BCO2: variants seen among roughly 807,000 people sequenced by gnomAD.
BCO2 encodes beta-carotene oxygenase 2.
A neutral mutation model predicts 65.8 loss-of-function variants in BCO2; 56 were observed. The ratio of observed to expected loss-of-function variants is 0.85; its 90% CI spans 0.69 to 1.06. BCO2 has a LOEUF of 1.06. BCO2 is among the 50% of genes least tolerant of loss of function. The pLI is 0.00. For synonymous variants in BCO2, 233 were observed against 242.3 expected, an observed-to-expected ratio of 0.96 and a Z score of 0.36; for missense variants, 675 against 698.5, an observed-to-expected ratio of 0.97 and a Z score of 0.38.
In BCO2 at chr11:112,200,626, C is replaced by G. The variant is rs1177235843; in HGVS notation, c.879C>G (p.Asn293Lys). The change falls in exon 7 of 12, where the codon AAC becomes AAG. Residue 293 changes from asparagine to lysine, a missense_variant. Asn to Lys is a moderately conservative substitution (Grantham distance 94). Transcript: ENST00000357685. ...SYYHSFGMTR[N>K]YIIFIEQPLK... Reference sequence around the variant, plus strand: ...GGAACCTTTTAGGAATGACAAGGAACTATATAATTTTCATTGAACAACCTC... The same window carrying G: ...GGAACCTTTTAGGAATGACAAGGAAGTATATAATTTTCATTGAACAACCTC... 1 of 1,606,598 alleles carries G rather than the reference C, an allele frequency of 6.2e-7. No individual in the cohort carries two copies. The highest frequency in any genetic ancestry group is 1.8e-5 in the Admixed American group (1 of 57,022).
At chr11:112,195,776 A>G (rs1017042616) in intron 5 of BCO2, among the ~76,000 whole-genome samples, 3 of 152,176 alleles carry the variant, frequency 2.0e-5, no homozygotes, top group Admixed American at 2.0e-4. Context: ...AAGTAACTAG[A>G]TCTGTGATTT....
rs1008239570 is a variant in BCO2 at position 112,200,675 on chromosome 11, G to T, written c.928G>T (p.Ala310Ser). ...QPLKMNLWKIATSKIRGKAFS... is the reference protein window; with the variant it reads ...QPLKMNLWKISTSKIRGKAFS... ...TCTAAAGATGAACCTGTGGAAAATTGCCACTTCTAAAATTCGGGGAAAGGC... is the reference window on the plus strand; with the variant it reads ...TCTAAAGATGAACCTGTGGAAAATTTCCACTTCTAAAATTCGGGGAAAGGC... Residue 310 changes from alanine to serine, a missense_variant, in exon 7 of 12, where the codon GCC becomes TCC. Coordinates refer to ENST00000357685, the MANE Select transcript of BCO2 (RefSeq NM_031938.7). The T allele has an allele frequency of 6.2e-7, 1 of 1,613,656 alleles. No individual in the cohort carries two copies.
At chr11:112,202,867 T>C (rs968177651) in intron 8 of BCO2, among the ~76,000 whole-genome samples, 2 of 151,966 alleles carry the variant, frequency 1.3e-5, no homozygotes, top group Non-Finnish European at 2.9e-5. Context: ...ACAACCAAAA[T>C]GGTGAAACCT....
Position 112,182,902 on chromosome 11 carries a change from A to T in BCO2, c.293+3420A>T, listed in dbSNP as rs182593009. 3.5e-4 allele frequency: 447 copies of T among 1,286,466 alleles called. 4 individuals are homozygous for T. In the East Asian group the frequency reaches 9.0e-3, roughly 26 times the overall value. The allele number at this position is 1,286,466 out of a possible 1,614,324, so 79.7% of individuals were successfully genotyped here. ...GAAGGAGCATCCCTGAAACTGTGTAATTTTGAGGATCCTTCTGGTCTTAAA... is the reference window on the plus strand; with the variant it reads ...GAAGGAGCATCCCTGAAACTGTGTATTTTTGAGGATCCTTCTGGTCTTAAA... On this transcript the variant is annotated intron_variant, in intron 2 of 11. Transcript: ENST00000357685.
At chr11:112,178,529 CTTAA>C (rs1866944456) in intron 1 of BCO2, among the ~76,000 whole-genome samples, 1 of 152,164 alleles carries the variant, frequency 6.6e-6, no homozygotes, top group African/African-American at 2.4e-5. Context: ...TTTTATAGCA[CTTAA>C]TTATTTATTT....
At position 112,214,876 on chromosome 11, in the gene BCO2, G is replaced by A. The variant is rs770037807; in HGVS notation, c.1447G>A (p.Gly483Ser). 3.7e-6 allele frequency: 6 copies of A among 1,614,168 alleles called. No individual in the cohort carries two copies. The Admixed American group carries it at 8.3e-5, about 22-fold the overall frequency. ...FSGKKYHFFY[G>S]CGFRHLVGDS... ...TGGCAAAAAGTATCATTTCTTTTAT[G>A]GCTGTGGCTTTCGGCATTTAGTGGG... The change falls in exon 10 of 12, where the codon GGC becomes AGC. Residue 483 changes from glycine to serine, a missense_variant. Physicochemically the swap from Gly to Ser is moderately conservative, Grantham distance 56. Transcript: ENST00000357685.
At chr11:112,193,272 C>G (rs186533231) in intron 2 of BCO2, among the ~76,000 whole-genome samples, 43 of 152,164 alleles carry the variant, frequency 2.8e-4, no homozygotes, top group African/African-American at 1.0e-3. Context: ...GCCACCGCGC[C>G]CAGCCTATTC....
chr11:112,207,968 T>TC (rs1413861814), intron 8 of BCO2, among the ~76,000 whole-genome samples: 2 of 151,646 alleles, frequency 1.3e-5, no homozygotes, highest in East Asian at 3.9e-4. Flanking sequence ...AATTTTTTTT[T>TC]TTTGAGACAG....
chr11:112,187,655 C>T (rs1211495955), intron 2 of BCO2, among the ~76,000 whole-genome samples: 7 of 152,130 alleles, frequency 4.6e-5, no homozygotes, highest in Admixed American at 1.3e-4. Flanking sequence ...TTCCCACCTC[C>T]GCACTTCCCC....
intron 9 of BCO2, among the ~76,000 whole-genome samples, chr11:112,214,221 A>T (rs1592868191): frequency 6.6e-6 from 1 of 152,090 alleles, no homozygotes; most frequent in Non-Finnish European, 1.5e-5. Context: ...ATCTCGGCTC[A>T]CTGCAGCCTC....
chr11:112,180,952 T>A, intron 2 of BCO2: 1 of 1,129,520 alleles, frequency 8.9e-7, no homozygotes, highest in Non-Finnish European at 1.4e-6. Flanking sequence ...GGGATGATGA[T>A]GTTTTGTTTG....
intron 2 of BCO2, chr11:112,180,698 C>CG (rs1434437094): frequency 1.5e-6 from 1 of 688,636 alleles, no homozygotes; most frequent in Admixed American, 2.0e-5. Context: ...GGGGGAAGGG[C>CG]GGGAGGAGAA....
chr11:112,193,823 T>G, intron 3 of BCO2, 56 bp from the exon 4 acceptor site: 1 of 1,463,758 alleles, frequency 6.8e-7, no homozygotes, highest in Admixed American at 1.7e-5. Context: ...GAGTGTGTGC[T>G]TAGCGTCGTC....
At chr11:112,178,948 AAG>A in intron 1 of BCO2, among the ~76,000 whole-genome samples, 1 of 152,344 alleles carries the variant, frequency 6.6e-6, no homozygotes, top group East Asian at 1.9e-4. Flanking sequence ...TTCTTGTAAA[AAG>A]ACAGGTATTG....
chr11:112,193,749 C>T, intron 3 of BCO2, 52 bp downstream of exon 3: 1 of 1,566,700 alleles, frequency 6.4e-7, no homozygotes, highest in Non-Finnish European at 8.7e-7. Context: ...TCTATACAAA[C>T]ATAAATCTTG....
intron 7 of BCO2, among the ~76,000 whole-genome samples, chr11:112,201,524 A>G (rs1867734618): frequency 6.6e-6 from 1 of 151,748 alleles, no homozygotes; most frequent in African/African-American, 2.4e-5. Flanking sequence ...ATCTTTTTAT[A>G]CTCCTGATTC....
chr11:112,184,972 C>T (rs2135354537), intron 2 of BCO2, among the ~76,000 whole-genome samples: 1 of 152,238 alleles, frequency 6.6e-6, no homozygotes, highest in East Asian at 1.9e-4. Flanking sequence ...CTTTCCTTAA[C>T]AGTAAAGGGT....
chr11:112,212,879 A>G (rs1036637328), intron 8 of BCO2, among the ~76,000 whole-genome samples: 2 of 152,206 alleles, frequency 1.3e-5, no homozygotes, highest in South Asian at 4.1e-4. Flanking sequence ...AAGGACTGGC[A>G]CATGCAAGAA....
intron 2 of BCO2, among the ~76,000 whole-genome samples, chr11:112,193,079 G>A (rs1054585005): frequency 1.3e-5 from 2 of 148,994 alleles, no homozygotes; most frequent in East Asian, 2.0e-4. Context: ...CCAGGTTCAC[G>A]CCATTCTCCT....
Sources: allele counts gnomAD v4.1 joint callset (sites outside exome capture counted in the v4.1 genomes callset), GRCh38; gene constraint gnomAD v4.1.1; transcripts MANE v1.5; gene names NCBI Gene and HGNC (gene_info 2026-07-23, HGNC 2026-07-21).